FILIP1: variants seen among roughly 807,000 people sequenced by gnomAD.
FILIP1 encodes the protein filamin-A-interacting protein 1.
A neutral mutation model predicts 102.1 loss-of-function variants in FILIP1; 61 were observed. The ratio of observed to expected loss-of-function variants is 0.60; its 90% CI spans 0.49 to 0.74. The LOEUF is 0.74. Ranked by LOEUF, FILIP1 falls within the 30% of genes least tolerant of loss-of-function variation. The pLI is 0.00. For synonymous variants in FILIP1, 491 were observed against 526.9 expected, an observed-to-expected ratio of 0.93 and a Z score of 0.93; for missense variants, 1,314 against 1,441.2, an observed-to-expected ratio of 0.91 and a Z score of 1.43.
At chr6:75,492,624 G>T (rs1446613577) in intron 1 of FILIP1, among the ~76,000 whole-genome samples, 2 of 152,130 alleles carry the variant, frequency 1.3e-5, no homozygotes, top group Non-Finnish European at 2.9e-5. Context: ...GATGCCATCA[G>T]CTGAAAGGAG....
downstream of FILIP1, among the ~76,000 whole-genome samples, chr6:75,306,527 C>A (rs1227773233): frequency 2.6e-5 from 4 of 152,120 alleles, no homozygotes. Flanking sequence ...GTCAGGTACA[C>A]ATTAGTAAAA....
chr6:75,337,600 G>C (rs1181077269), intron 4 of FILIP1, among the ~76,000 whole-genome samples: 1 of 151,558 alleles, frequency 6.6e-6, no homozygotes, highest in Non-Finnish European at 1.5e-5. Flanking sequence ...AGAAGTGGAT[G>C]CATGGCAGGG....
intron 6 of FILIP1, among the ~76,000 whole-genome samples, chr6:75,296,341 TTGTGTG>T (rs57430339): frequency 0.28 from 39,565 of 141,358 alleles, 5,643 homozygotes; most frequent in East Asian, 0.47. Flanking sequence ...TTCAATTTCT[TTGTGTG>T]TGTGTGTGTG....
chr6:75,475,625 T>C (rs976029902), intron 1 of FILIP1, among the ~76,000 whole-genome samples: 1 of 152,206 alleles, frequency 6.6e-6, no homozygotes, highest in Non-Finnish European at 1.5e-5. Context: ...GTGAATTTTG[T>C]ATACAAATCA....
chr6:75,377,123 A>T (rs1775775447), intron 2 of FILIP1, among the ~76,000 whole-genome samples: 1 of 152,206 alleles, frequency 6.6e-6, no homozygotes, highest in Non-Finnish European at 1.5e-5. Context: ...TGATTTAGGA[A>T]AGGAAAATAA....
chr6:75,405,835 T>C (rs1031445202), intron 2 of FILIP1, among the ~76,000 whole-genome samples: 3 of 151,828 alleles, frequency 2.0e-5, no homozygotes, highest in African/African-American at 4.8e-5. Context: ...CGGGGTGGAG[T>C]AGGTAATCGG....
In FILIP1 at chr6:75,295,285, A is replaced by G. The variant is rs556397001; in HGVS notation, c.*625T>C. 2.6e-5 allele frequency: 4 copies of G among 152,244 alleles called. No individual in the cohort carries two copies. In the East Asian group the frequency reaches 7.7e-4, roughly 29 times the overall value. 9.4% of individuals were successfully genotyped at this position (152,244 alleles called of 1,614,324 possible). ...AACACCAGAAAGAGCAACTTTAGAA[A>G]CTGATTTTTAGTATTTAAAATTAAG... On this transcript the variant is annotated 3_prime_UTR_variant, in exon 7 of 7. Transcript: ENST00000393004.
At chr6:75,340,678 A>G (rs184725565) in intron 4 of FILIP1, among the ~76,000 whole-genome samples, 2 of 151,248 alleles carry the variant, frequency 1.3e-5, no homozygotes, top group Admixed American at 6.6e-5. Context: ...AAATTTGACT[A>G]TTTTTGCTTA....
chr6:75,375,738 C>T (rs760811618), intron 2 of FILIP1, among the ~76,000 whole-genome samples: 13 of 152,180 alleles, frequency 8.5e-5, no homozygotes, highest in East Asian at 5.8e-4. Context: ...AGAATTTATA[C>T]GAGGTTTATT....
intron 1 of FILIP1, among the ~76,000 whole-genome samples, chr6:75,421,999 A>T (rs1777485167): frequency 1.3e-5 from 2 of 152,142 alleles, no homozygotes; most frequent in African/African-American, 4.8e-5. Flanking sequence ...CAGTATCTAT[A>T]ACAGGGTTTT....
At chr6:75,383,898 T>C (rs1277428257) in intron 2 of FILIP1, among the ~76,000 whole-genome samples, 1 of 152,144 alleles carries the variant, frequency 6.6e-6, no homozygotes, top group African/African-American at 2.4e-5. Flanking sequence ...GCTGGCAATC[T>C]TAATATTATA....
At chr6:75,452,207 C>G (rs1206440372) in intron 1 of FILIP1, among the ~76,000 whole-genome samples, 1 of 151,976 alleles carries the variant, frequency 6.6e-6, no homozygotes, top group Non-Finnish European at 1.5e-5. Flanking sequence ...GTGCTGTACC[C>G]TTTAACTTAT....
chr6:75,302,331 C>T (rs16886446), intron 6 of FILIP1, among the ~76,000 whole-genome samples: 4,403 of 152,236 alleles, frequency 0.029, 149 homozygotes, highest in East Asian at 0.13. Flanking sequence ...GTTCCTTCCA[C>T]GTCATTCTCA....
At chr6:75,374,369 G>A (rs1775678776) in intron 2 of FILIP1, among the ~76,000 whole-genome samples, 1 of 152,066 alleles carries the variant, frequency 6.6e-6, no homozygotes, top group Non-Finnish European at 1.5e-5. Flanking sequence ...TGAACCAGGT[G>A]AGAAGCTGAA....
chr6:75,345,641 C>A (rs1774556182), intron 4 of FILIP1, among the ~76,000 whole-genome samples: 1 of 152,132 alleles, frequency 6.6e-6, no homozygotes. Flanking sequence ...CCTGGTCAAA[C>A]CAATCTGTGA....
chr6:75,401,588 T>C (rs1187562641), intron 2 of FILIP1, among the ~76,000 whole-genome samples: 1 of 152,186 alleles, frequency 6.6e-6, no homozygotes, highest in Admixed American at 6.5e-5. Flanking sequence ...CTCAGTCTTA[T>C]TAGCTACATT....
chr6:75,438,582 A>G (rs957010366), intron 1 of FILIP1, among the ~76,000 whole-genome samples: 1 of 152,204 alleles, frequency 6.6e-6, no homozygotes, highest in South Asian at 2.1e-4. Context: ...CAATTAGCAT[A>G]GGGCTTTCAC....
At chr6:75,327,113 T>C (rs1437630227) in intron 4 of FILIP1, among the ~76,000 whole-genome samples, 1 of 152,212 alleles carries the variant, frequency 6.6e-6, no homozygotes, top group Non-Finnish European at 1.5e-5. Context: ...ATCTTCCCCA[T>C]GAATCTGTTC....
chr6:75,423,098 T>C (rs997114280), intron 1 of FILIP1, among the ~76,000 whole-genome samples: 7 of 152,180 alleles, frequency 4.6e-5, no homozygotes, highest in African/African-American at 1.7e-4. Context: ...TGGCCATCAG[T>C]TGACAATGAC....
Sources: allele counts gnomAD v4.1 joint callset (sites outside exome capture counted in the v4.1 genomes callset), GRCh38; gene constraint gnomAD v4.1.1; transcripts MANE v1.5; gene names NCBI Gene and HGNC (gene_info 2026-07-23, HGNC 2026-07-21).